LYN: variants seen among roughly 807,000 people sequenced by gnomAD.
LYN encodes LYN proto-oncogene, Src family tyrosine kinase.
LYN carries 12 observed loss-of-function variants against 65.0 expected under a neutral mutation model. That is an observed-to-expected ratio of 0.18 (90% CI 0.12 to 0.30). The LOEUF is 0.30. Ranked by LOEUF, LYN falls within the 10% of genes least tolerant of loss-of-function variation. The pLI, the probability that LYN is intolerant of heterozygous loss-of-function variation, is 1.00. For missense variants in LYN, 380 were observed against 623.2 expected, an observed-to-expected ratio of 0.61 and a Z score of 4.16; for synonymous variants, 222 against 221.2, an observed-to-expected ratio of 1.00 and a Z score of -0.03.
intron 10 of LYN, among the ~76,000 whole-genome samples, chr8:55,987,880 C>A (rs1193598670): frequency 6.6e-6 from 1 of 152,222 alleles, no homozygotes; most frequent in Admixed American, 6.5e-5. Flanking sequence ...ATATAACCTA[C>A]TTTATGGGCT....
At chr8:55,961,308 T>TA (rs1807266511) in intron 8 of LYN, among the ~76,000 whole-genome samples, 1 of 152,210 alleles carries the variant, frequency 6.6e-6, no homozygotes, top group South Asian at 2.1e-4. Flanking sequence ...AAGTTTTTTT[T>TA]AACATAATTT....
At chr8:55,939,665 C>T (rs1164030448) in intron 1 of LYN, among the ~76,000 whole-genome samples, 2 of 152,156 alleles carry the variant, frequency 1.3e-5, no homozygotes, top group East Asian at 1.9e-4. Context: ...GGGCTCCTGC[C>T]CCGGAGCTCG....
chr8:55,906,735 AG>A (rs1162015123), intron 1 of LYN, among the ~76,000 whole-genome samples: 2 of 122,146 alleles, frequency 1.6e-5, no homozygotes, highest in African/African-American at 8.4e-5. Context: ...GAAAAAAAAA[AG>A]AGAGAGAGAG....
In LYN at chr8:55,941,986, A is replaced by C; in HGVS notation, c.127A>C (p.Arg43=). 2.5e-6 allele frequency: 4 copies of C among 1,613,524 alleles called. No homozygotes were observed. Among genetic ancestry groups the C allele is most frequent in the Non-Finnish European group, 2.5e-6 (3 of 1,179,854 alleles). The part of the protein sequence containing the change: ...VRDPTSNKQQ[R]PVPESQLLPG... ...AGATCCAACGTCCAATAAACAGCAA[A>C]GGCCAGTAAGTAGATAGTCTCAGGG... The change falls in exon 2 of 13, where the codon AGG becomes CGG. Residue 43 remains arginine, a synonymous_variant. Transcript: ENST00000519728.
intron 1 of LYN, among the ~76,000 whole-genome samples, chr8:55,901,218 C>T (rs1266015960): frequency 6.6e-6 from 1 of 152,078 alleles, no homozygotes; most frequent in African/African-American, 2.4e-5. Context: ...GAATAGTTCT[C>T]CGATTAGAAT....
At chr8:55,937,229 G>A (rs1280864833) in intron 1 of LYN, among the ~76,000 whole-genome samples, 1 of 152,104 alleles carries the variant, frequency 6.6e-6, no homozygotes, top group Non-Finnish European at 1.5e-5. Flanking sequence ...CAAGGTGGTG[G>A]ATGTCCTCTT....
intron 1 of LYN, among the ~76,000 whole-genome samples, chr8:55,913,852 A>G (rs1339683409): frequency 1.3e-5 from 2 of 152,170 alleles, no homozygotes; most frequent in Admixed American, 6.5e-5. Context: ...GTGCGAGGGC[A>G]CCAGAAGGTA....
intron 10 of LYN, among the ~76,000 whole-genome samples, chr8:55,975,397 A>T (rs984681775): frequency 6.6e-6 from 1 of 152,162 alleles, no homozygotes; most frequent in African/African-American, 2.4e-5. Flanking sequence ...GTGAGATGGG[A>T]GGCACAGGTT....
chr8:55,901,626 AG>A (rs1277440755), intron 1 of LYN, among the ~76,000 whole-genome samples: 1 of 152,052 alleles, frequency 6.6e-6, no homozygotes, highest in Non-Finnish European at 1.5e-5. Context: ...GGGCCGGGGG[AG>A]GTCCTGCATG....
At chr8:55,956,020 C>T (rs1203363949) in intron 8 of LYN, among the ~76,000 whole-genome samples, 4 of 152,044 alleles carry the variant, frequency 2.6e-5, no homozygotes, top group African/African-American at 9.7e-5. Flanking sequence ...TTTCATTTCT[C>T]TTGTGTATAA....
At chr8:55,944,142 C>A (rs1441536343) in intron 2 of LYN, among the ~76,000 whole-genome samples, 5 of 151,996 alleles carry the variant, frequency 3.3e-5, no homozygotes. Context: ...AGTTATCATA[C>A]ATGATGTTTC....
intron 9 of LYN, among the ~76,000 whole-genome samples, chr8:55,969,336 G>A (rs534576589): frequency 2.9e-4 from 44 of 152,332 alleles, no homozygotes; most frequent in African/African-American, 1.0e-3. Context: ...GAATACAGAT[G>A]GGAGTGAGCC....
intron 10 of LYN, among the ~76,000 whole-genome samples, chr8:55,998,110 A>G (rs1342186667): frequency 6.6e-6 from 1 of 151,324 alleles, no homozygotes; most frequent in East Asian, 1.9e-4. Context: ...ATGTTAAGAC[A>G]TGTTCCTTTT....
intron 8 of LYN, among the ~76,000 whole-genome samples, chr8:55,964,672 G>C (rs1017844168): frequency 4.6e-5 from 7 of 152,210 alleles, no homozygotes; most frequent in African/African-American, 1.4e-4. Flanking sequence ...TTCAAGACCA[G>C]CCTGGCCAAC....
intron 10 of LYN, 75 bp downstream of exon 10, chr8:55,969,868 T>C (rs1220899950): frequency 1.6e-6 from 2 of 1,255,252 alleles, no homozygotes; most frequent in Non-Finnish European, 2.3e-6. Context: ...GAAGGAGTTA[T>C]TGTTCCAGGG....
chr8:55,952,949 T>C (rs1378037715), intron 7 of LYN, among the ~76,000 whole-genome samples: 1 of 152,200 alleles, frequency 6.6e-6, no homozygotes, highest in African/African-American at 2.4e-5. Flanking sequence ...TCCTGTGTAA[T>C]TGGAGTCAGT....
intron 3 of LYN, among the ~76,000 whole-genome samples, chr8:55,947,029 C>G (rs552918313): frequency 9.8e-5 from 15 of 152,316 alleles, no homozygotes; most frequent in African/African-American, 3.1e-4. Context: ...AGGTAGATCA[C>G]CTGTGGTCAG....
chr8:55,967,955 G>A (rs1807509184), intron 9 of LYN, among the ~76,000 whole-genome samples: 1 of 152,224 alleles, frequency 6.6e-6, no homozygotes, highest in African/African-American at 2.4e-5. Context: ...CAATGGAGAT[G>A]ATAGTATGAT....
At chr8:55,887,182 C>T (rs1369055267) in intron 1 of LYN, among the ~76,000 whole-genome samples, 1 of 152,174 alleles carries the variant, frequency 6.6e-6, no homozygotes, top group East Asian at 1.9e-4. Flanking sequence ...CGGCCAGGCG[C>T]AGTGGCCCTT....
Sources: gnomAD v4.1 joint callset for allele counts (sites outside exome capture counted in the v4.1 genomes callset) on GRCh38, gnomAD v4.1.1 for gene constraint, MANE v1.5 for transcripts, NCBI Gene and HGNC (gene_info 2026-07-23, HGNC 2026-07-21) for gene names.